TTC34: variants seen among roughly 807,000 people sequenced by gnomAD.
The protein encoded by TTC34 is tetratricopeptide repeat domain 34, also known as tetratricopeptide repeat protein 34.
Under a neutral mutation model 40.7 loss-of-function variants are expected in TTC34, and 44 were observed. The ratio of observed to expected loss-of-function variants is 1.08; its 90% CI spans 0.85 to 1.39. The LOEUF (loss-of-function observed/expected upper bound fraction) is 1.39, where lower values mean the gene tolerates loss of function less well. Ranked by LOEUF, TTC34 falls within the 40% of genes most tolerant of loss-of-function variation. TTC34 has a pLI of 0.00. For synonymous variants in TTC34, 422 were observed against 398.6 expected (o/e 1.06, Z -0.70); for missense variants, 884 against 838.0 (o/e 1.05, Z -0.68).
At chr1:2,683,703 A>T (rs1234385839) in intron 6 of TTC34, among the ~76,000 whole-genome samples, 4 of 148,054 alleles carry the variant, frequency 2.7e-5, no homozygotes, top group Non-Finnish European at 4.4e-5. Context: ...AGCCTGGAAC[A>T]GCACCCACAC....
At chr1:2,748,874 C>A (rs1219300934) in intron 6 of TTC34, among the ~76,000 whole-genome samples, 1 of 136,156 alleles carries the variant, frequency 7.3e-6, no homozygotes, top group Admixed American at 7.3e-5. Context: ...TGGAGCAGCA[C>A]CCACACCTTC....
At chr1:2,644,364 C>T in exon 8 of TTC34, 1 of 1,536,020 alleles carries the variant, frequency 6.5e-7, no homozygotes, top group Non-Finnish European at 8.7e-7. Context: ...CCTTGCAGCC[C>T]CTGGCACGTC....
intron 6 of TTC34, among the ~76,000 whole-genome samples, chr1:2,684,599 C>G (rs1182113967): frequency 7.3e-6 from 1 of 136,672 alleles, no homozygotes; most frequent in Non-Finnish European, 1.5e-5. Context: ...ACCCATACCC[C>G]CAGGTGAGCA....
chr1:2,676,884 A>G (rs1332445946), intron 6 of TTC34, among the ~76,000 whole-genome samples: 1 of 92,644 alleles, frequency 1.1e-5, no homozygotes. Flanking sequence ...GCCGCACCCC[A>G]CACCCACAGG....
At chr1:2,689,936 AC>A (rs1640538779) in intron 6 of TTC34, among the ~76,000 whole-genome samples, 1 of 88,248 alleles carries the variant, frequency 1.1e-5, no homozygotes, top group Non-Finnish European at 2.3e-5. Flanking sequence ...AGCACCCCGC[AC>A]CCCCAGGCGA....
chr1:2,648,960 C>T (rs1178588780), intron 6 of TTC34, among the ~76,000 whole-genome samples: 1 of 151,964 alleles, frequency 6.6e-6, no homozygotes, highest in Non-Finnish European at 1.5e-5. Flanking sequence ...CAGCACCCCA[C>T]ACCCCCAGGT....
Position 2,779,833 on chromosome 1 carries a change from G to C in TTC34, c.2226+3776C>G, listed in dbSNP as rs551314814. On this transcript the variant is annotated intron_variant, in intron 6 of 8. Coordinates refer to ENST00000401095, the Ensembl canonical transcript of TTC34. ...TTGATTTGTGCTTCCCTGATGATTG[G>C]TGATGTCCAGCATCTTTTCATGTGC... Among the ~76,000 whole-genome samples, 92 of 152,274 alleles carry C rather than the reference G, an allele frequency of 6.0e-4. 2 individuals are homozygous for C. Among genetic ancestry groups the C allele is most frequent in the Admixed American group, 5.9e-3 (90 of 15,296 alleles).
chr1:2,785,648 A>G (rs1170621556), intron 5 of TTC34, among the ~76,000 whole-genome samples, 171 bp downstream of exon 5: 1 of 152,160 alleles, frequency 6.6e-6, no homozygotes, highest in African/African-American at 2.4e-5. Flanking sequence ...CCCACCTTGA[A>G]GGTGAAATGC....
At chr1:2,751,817 G>T (rs1440041207) in intron 6 of TTC34, among the ~76,000 whole-genome samples, 1 of 108,162 alleles carries the variant, frequency 9.2e-6, no homozygotes, top group Non-Finnish European at 1.8e-5. Flanking sequence ...ATCCCCAGGT[G>T]AGAATCTGAC....
chr1:2,749,391 C>A (rs1231718627), intron 6 of TTC34, among the ~76,000 whole-genome samples: 1 of 120,188 alleles, frequency 8.3e-6, no homozygotes, highest in Admixed American at 8.4e-5. Context: ...CAGCCTGGAA[C>A]AGCACCCTGC....
At chr1:2,653,580 C>G (rs1301807484) in intron 6 of TTC34, among the ~76,000 whole-genome samples, 1 of 138,734 alleles carries the variant, frequency 7.2e-6, no homozygotes, top group African/African-American at 2.8e-5. Context: ...CGCAGGTGAG[C>G]ATCTGACATC....
intron 6 of TTC34, among the ~76,000 whole-genome samples, chr1:2,781,196 A>G (rs1429804337): frequency 6.6e-6 from 1 of 152,126 alleles, no homozygotes; most frequent in Admixed American, 6.5e-5. Context: ...AACTTTTCAT[A>G]TCTAGGGGTT....
At chr1:2,792,762 C>T (rs1267996892) in intron 2 of TTC34, among the ~76,000 whole-genome samples, 4 of 152,210 alleles carry the variant, frequency 2.6e-5, no homozygotes, top group Non-Finnish European at 1.5e-5. Context: ...CAAGATTCTT[C>T]ATCTAACTTT....
chr1:2,757,612 C>A (rs1272568507), intron 6 of TTC34, among the ~76,000 whole-genome samples: 56 of 127,024 alleles, frequency 4.4e-4, no homozygotes, highest in Middle Eastern at 8.8e-3. Context: ...CATCCGCCAG[C>A]CTGGAACAGC....
chr1:2,759,492 TCGGGCAG>T (rs1641620765), intron 6 of TTC34, among the ~76,000 whole-genome samples: 1 of 121,520 alleles, frequency 8.2e-6, no homozygotes, highest in African/African-American at 3.5e-5. Flanking sequence ...CAGGTGAGCA[TCGGGCAG>T]CCTGGAGCAG....
chr1:2,773,092 C>A (rs796757836), intron 6 of TTC34, among the ~76,000 whole-genome samples: 7 of 147,524 alleles, frequency 4.7e-5, no homozygotes, highest in East Asian at 4.1e-4. Flanking sequence ...GGAGCAGCAC[C>A]CACACCCCCA....
intron 6 of TTC34, among the ~76,000 whole-genome samples, chr1:2,653,892 AC>A (rs1639241123): frequency 5.6e-5 from 1 of 17,772 alleles, no homozygotes; most frequent in African/African-American, 1.9e-4. Context: ...ACCCACACCC[AC>A]AGGTGAGCAT....
At position 2,656,255 on chromosome 1, in the gene TTC34, C is replaced by A. The variant is rs1304982296; in HGVS notation, c.2227-10692G>T. On this transcript the variant is annotated intron_variant, in intron 6 of 8. Transcript: ENST00000401095. Reference sequence around the variant, plus strand: ...CTGACAGCCTGGAACAGCACACACACACCCAGGTGAGCATCTGAAAGCCTG... The same window carrying A: ...CTGACAGCCTGGAACAGCACACACAAACCCAGGTGAGCATCTGAAAGCCTG... Among the ~76,000 whole-genome samples the A allele has an allele frequency of 7.3e-3, 1,094 of 149,438 alleles. 17 individuals are homozygous for A. The highest frequency in any genetic ancestry group is 0.011 in the Admixed American group (169 of 14,924).
rs934570456 is a variant in TTC34, at chr1:2,783,788, G to A, written c.2060-13C>T. On this transcript the variant is annotated splice_polypyrimidine_tract_variant and intron_variant, in intron 5 of 8. Coordinates refer to ENST00000401095, the Ensembl canonical transcript of TTC34. ...CTTGCCTGGCTTCCTGCAGGAAGAC[G>A]GCATGGGGTCAGGATGAGCCTATGC... The A allele has an allele frequency of 1.0e-5, 15 of 1,485,084 alleles. No homozygotes were observed. The highest frequency in any genetic ancestry group is 2.8e-5 in the African/African-American group (2 of 71,334). The allele number at this position is 1,485,084 out of a possible 1,614,324, so 92.0% of individuals were successfully genotyped here. A position where few individuals can be genotyped will look rare whatever the true frequency, so the allele number is the denominator to read the frequency against.
Sources: gnomAD v4.1 joint callset for allele counts (sites outside exome capture counted in the v4.1 genomes callset) on GRCh38, gnomAD v4.1.1 for gene constraint, MANE v1.5 for transcripts, NCBI Gene and HGNC (gene_info 2026-07-23, HGNC 2026-07-21) for gene names.